The following ERMAP variants were observed in gnomAD, a reference collection of about 807,000 sequenced individuals.
The protein encoded by ERMAP is erythroblast membrane associated protein (Scianna blood group), also known as erythroid membrane-associated protein.
Under a neutral mutation model 49.5 loss-of-function variants are expected in ERMAP, and 34 were observed. The ratio of observed to expected loss-of-function variants is 0.69; its 90% CI spans 0.52 to 0.91. The LOEUF (loss-of-function observed/expected upper bound fraction) is 0.91, where lower values mean the gene tolerates loss of function less well. Ranked by LOEUF, ERMAP falls within the 40% of genes least tolerant of loss-of-function variation. The pLI, the probability that ERMAP is intolerant of heterozygous loss-of-function variation, is 0.00. For synonymous variants in ERMAP, 214 were observed against 232.2 expected, an observed-to-expected ratio of 0.92 and a Z score of 0.71; for missense variants, 541 against 582.6, an observed-to-expected ratio of 0.93 and a Z score of 0.74.
chr1:42,838,815 GGGT>G, intron 7 of ERMAP, 83 bp from the exon 8 acceptor site: 1 of 1,591,380 alleles, frequency 6.3e-7, no homozygotes, highest in Non-Finnish European at 8.6e-7. Context: ...TTAATCTTGT[GGGT>G]TGGAGTGATG....
In ERMAP at chr1:42,819,164, T is replaced by G. The variant is rs1302349267; in HGVS notation, c.-122+1911T>G. 1.6e-5 allele frequency among the ~76,000 whole-genome samples: 2 copies of G among 123,844 alleles called. No individual in the cohort carries two copies. Among genetic ancestry groups the G allele is most frequent in the African/African-American group, 3.0e-5 (1 of 33,502 alleles). 81.2% of individuals were successfully genotyped at this position (123,844 alleles called of 152,430 possible). On this transcript the variant is annotated intron_variant, in intron 1 of 11. Transcript: ENST00000372517. This position sits in a 1 kb window ranked among gnomAD's most constrained non-coding sequence, Gnocchi z 5.1. Reference sequence around the variant, plus strand: ...GGAAACGGTGAGGAAGAGGATAAGTTAGGAGCGTGTGTGTGTGTGTGTGTG... The same window carrying G: ...GGAAACGGTGAGGAAGAGGATAAGTGAGGAGCGTGTGTGTGTGTGTGTGTG...
At chr1:42,827,756 C>A (rs1052175570) in intron 2 of ERMAP, among the ~76,000 whole-genome samples, 5 of 152,076 alleles carry the variant, frequency 3.3e-5, no homozygotes, top group Non-Finnish European at 5.9e-5. Flanking sequence ...TGGTCATTTG[C>A]TCATTTTATA....
intron 4 of ERMAP, 50 bp downstream of exon 4, chr1:42,831,165 C>A (rs186792314): frequency 6.3e-7 from 1 of 1,576,854 alleles, no homozygotes; most frequent in East Asian, 2.3e-5. Context: ...ATTGGACAAG[C>A]TTAATCAGGA....
chr1:42,842,705 G>T lies in ERMAP; in HGVS notation c.901G>T (p.Asp301Tyr), dbSNP rs1156786358. Residue 301 changes from aspartate (D) to tyrosine (Y), a missense_variant, in exon 12 of 12, where the codon GAC (aspartate) becomes TAC (tyrosine). Physicochemically the swap from Asp to Tyr is radical, Grantham distance 160. Coordinates refer to ENST00000372517, the MANE Select transcript of ERMAP (RefSeq NM_001017922.2). ...GCHYWEVYVG[D>Y]KTKWILGVCS... Reference sequence around the variant, plus strand: ...CCACTACTGGGAGGTGTATGTGGGAGACAAGACCAAATGGATTCTTGGAGT... The same window carrying T: ...CCACTACTGGGAGGTGTATGTGGGATACAAGACCAAATGGATTCTTGGAGT... The T allele has an allele frequency of 6.2e-7, 1 of 1,614,198 alleles. No homozygotes were observed. The highest frequency in any genetic ancestry group is 8.5e-7 in the Non-Finnish European group (1 of 1,180,016).
rs375678618 is a variant in ERMAP at position 42,842,799 on chromosome 1, G to A, written c.995G>A (p.Arg332Gln). ...CCTGCCAATGGACACTGGCTTCTGCGACAGAGTCGTGGGAATGAGTATGAA... is the reference window on the plus strand; with the variant it reads ...CCTGCCAATGGACACTGGCTTCTGCAACAGAGTCGTGGGAATGAGTATGAA... ...ASPANGHWLL[R>Q]QSRGNEYEAL... is the part of the protein sequence containing the mutation. Residue 332 changes from arginine to glutamine, a missense_variant, in exon 12 of 12, where the codon CGA (arginine) becomes CAA (glutamine). Arg to Gln is a conservative substitution (Grantham distance 43). Coordinates refer to ENST00000372517, the MANE Select transcript of ERMAP (RefSeq NM_001017922.2). 1.3e-5 allele frequency: 21 copies of A among 1,614,058 alleles called. No homozygotes were observed. The highest frequency in any genetic ancestry group is 3.3e-4 in the Middle Eastern group (2 of 6,084).
rs1436150302 is a variant in ERMAP, at chr1:42,843,197, C to T, written c.1393C>T (p.Pro465Ser). ...IILSLPPDLG[P>S]ALQELKAPSF ...CCTGTCCTTGCCCCCTGACCTTGGC[C>T]CAGCCCTTCAGGAGCTCAAGGCTCC... The change falls in exon 12 of 12, where the codon CCA becomes TCA. Residue 465 changes from proline (P) to serine (S), a missense_variant. Coordinates refer to ENST00000372517, the MANE Select transcript of ERMAP (RefSeq NM_001017922.2). 1.2e-6 allele frequency: 2 copies of T among 1,605,054 alleles called. No homozygotes were observed. Among genetic ancestry groups the T allele is most frequent in the Admixed American group, 1.7e-5 (1 of 58,146 alleles).
intron 8 of ERMAP, 59 bp downstream of exon 8, chr1:42,838,980 A>T: frequency 6.2e-7 from 1 of 1,613,790 alleles, no homozygotes; most frequent in East Asian, 2.2e-5. Flanking sequence ...TTGCTTTGGG[A>T]TGAGCATCTC....
chr1:42,834,850 C>T, intron 4 of ERMAP, 188 bp from the exon 5 acceptor site: 2 of 544,584 alleles, frequency 3.7e-6, no homozygotes, highest in Non-Finnish European at 6.6e-6. Flanking sequence ...CCACCGTTCC[C>T]AGCCTCAGTT....
chr1:42,817,946 A>T (rs1654291764), intron 1 of ERMAP: 1 of 152,250 alleles, frequency 6.6e-6, no homozygotes, highest in African/African-American at 2.4e-5. Context: ...TATAATGTAT[A>T]CGTGTATATT....
At chr1:42,832,709 C>A (rs1224263279) in intron 4 of ERMAP, among the ~76,000 whole-genome samples, 1 of 152,198 alleles carries the variant, frequency 6.6e-6, no homozygotes, top group Non-Finnish European at 1.5e-5. Context: ...CCACAGGAAT[C>A]TGAATCATGT....
At chr1:42,832,471 G>C (rs1654774834) in intron 4 of ERMAP, among the ~76,000 whole-genome samples, 1 of 152,062 alleles carries the variant, frequency 6.6e-6, no homozygotes, top group Non-Finnish European at 1.5e-5. Context: ...AGGTTCAAGT[G>C]ATTCTCCTGC....
intron 5 of ERMAP, among the ~76,000 whole-genome samples, 170 bp from the exon 6 acceptor site, chr1:42,835,562 C>G (rs1038796703): frequency 1.3e-5 from 2 of 152,172 alleles, no homozygotes; most frequent in African/African-American, 4.8e-5. Context: ...TAATCCAACA[C>G]TCCTGCCCTT....
intron 2 of ERMAP, among the ~76,000 whole-genome samples, chr1:42,829,392 T>C (rs1451838924): frequency 2.6e-5 from 4 of 152,212 alleles, no homozygotes; most frequent in Non-Finnish European, 5.9e-5. Flanking sequence ...GCCTTCTGAC[T>C]TATACAAAAG....
intron 11 of ERMAP, 142 bp downstream of exon 11, chr1:42,840,438 TA>T (rs1051164097): frequency 6.2e-6 from 6 of 970,260 alleles, no homozygotes; most frequent in South Asian, 1.5e-5. Flanking sequence ...ACTATCAAAT[TA>T]AAAAAATCTT....
chr1:42,831,097 G>A lies in ERMAP; in HGVS notation c.415G>A (p.Val139Met), dbSNP rs773347684. Residue 139 changes from valine to methionine, a missense_variant, in exon 4 of 12, where the codon GTG becomes ATG. Val to Met is a conservative substitution (Grantham distance 21). Coordinates refer to ENST00000372517, the MANE Select transcript of ERMAP (RefSeq NM_001017922.2). ...QVGNLSKEDT[V>M]ILQVAAPSVG... is the part of the protein sequence containing the mutation. ...TGGAAATCTGAGTAAAGAGGACACC[G>A]TGATCCTGCAGGTTGCAGGTTAGAA... 58 of 1,614,044 alleles carry A rather than the reference G, an allele frequency of 3.6e-5. No homozygotes were observed. The highest frequency in any genetic ancestry group is 3.3e-5 in the Admixed American group (2 of 60,006).
At chr1:42,832,663 A>G (rs10789427) in intron 4 of ERMAP, among the ~76,000 whole-genome samples, 151,852 of 152,352 alleles carry the variant, frequency 1, 75,682 homozygotes, top group Middle Eastern at 1. Context: ...CACCATGCCC[A>G]GCTGAAAAGT....
At chr1:42,837,220 A>C in intron 7 of ERMAP, 30 bp downstream of exon 7, 1 of 1,599,438 alleles carries the variant, frequency 6.3e-7, no homozygotes, top group Non-Finnish European at 8.6e-7. Context: ...AGGGGTAGGG[A>C]ACAAAAAACA....
At chr1:42,829,380 G>A (rs1000296382) in intron 2 of ERMAP, among the ~76,000 whole-genome samples, 1 of 152,172 alleles carries the variant, frequency 6.6e-6, no homozygotes, top group African/African-American at 2.4e-5. Flanking sequence ...TTCAGGGACT[G>A]GGCCTTCTGA....
chr1:42,824,827 T>C (rs1370167246), intron 1 of ERMAP: 1 of 152,216 alleles, frequency 6.6e-6, no homozygotes, highest in Non-Finnish European at 1.5e-5. Context: ...TTTGGTGAAC[T>C]TCTGGGCTGC....
Sources: gnomAD v4.1 joint callset for allele counts (sites outside exome capture counted in the v4.1 genomes callset) on GRCh38, gnomAD v4.1.1 for gene constraint, Gnocchi (gnomAD v3.1) non-coding constraint, MANE v1.5 for transcripts, NCBI Gene and HGNC (gene_info 2026-07-23, HGNC 2026-07-21) for gene names.